The following CHODL variants were observed in gnomAD, a reference collection of about 807,000 sequenced individuals.
CHODL encodes the protein transmembrane protein MT75.
A neutral mutation model predicts 34.5 loss-of-function variants in CHODL; 29 were observed. The ratio of observed to expected loss-of-function variants is 0.84; its 90% CI spans 0.63 to 1.15. The LOEUF (loss-of-function observed/expected upper bound fraction) is 1.15, where lower values mean the gene tolerates loss of function less well. Among genes scored for constraint, CHODL ranks in the 50% most tolerant of loss-of-function variants. CHODL has a pLI of 0.00. For missense variants in CHODL, 332 were observed against 332.5 expected (o/e 1.00, Z 0.01); for synonymous variants, 125 against 116.1 (o/e 1.08, Z -0.49).
At chr21:18,135,718 A>G (rs1429366492) in intron 2 of CHODL, among the ~76,000 whole-genome samples, 1 of 152,218 alleles carries the variant, frequency 6.6e-6, no homozygotes, top group Non-Finnish European at 1.5e-5. Context: ...TTGAAACCAA[A>G]TATGACTCTT....
chr21:18,223,599 G>A (rs535643242), intron 2 of CHODL, among the ~76,000 whole-genome samples: 27 of 152,252 alleles, frequency 1.8e-4, no homozygotes, highest in Middle Eastern at 6.8e-3. Context: ...AGCTTAAACT[G>A]CAGTTAGGAC....
At chr21:18,016,041 C>A (rs1356396381) in intron 1 of CHODL, among the ~76,000 whole-genome samples, 1 of 152,210 alleles carries the variant, frequency 6.6e-6, no homozygotes, top group Non-Finnish European at 1.5e-5. Flanking sequence ...AAAAACCCAT[C>A]TTTCTGGGGA....
intron 1 of CHODL, among the ~76,000 whole-genome samples, chr21:17,982,690 T>C (rs2063723159): frequency 6.9e-6 from 1 of 143,908 alleles, no homozygotes; most frequent in Admixed American, 7.3e-5. Flanking sequence ...TCCCCTTATA[T>C]ATATTCTTTT....
intron 1 of CHODL, among the ~76,000 whole-genome samples, chr21:18,013,509 A>T (rs983322912): frequency 3.9e-5 from 6 of 151,966 alleles, no homozygotes; most frequent in African/African-American, 1.5e-4. Flanking sequence ...GCCTACTTTG[A>T]TGAAATTTTT....
At chr21:18,077,058 T>A (rs1221488426) in intron 2 of CHODL, among the ~76,000 whole-genome samples, 2 of 152,200 alleles carry the variant, frequency 1.3e-5, no homozygotes, top group Non-Finnish European at 2.9e-5. Context: ...AATGTGAGAC[T>A]CCTGGCTCAG....
chr21:18,185,127 A>C (rs1192765325), intron 2 of CHODL, among the ~76,000 whole-genome samples: 1 of 152,048 alleles, frequency 6.6e-6, no homozygotes, highest in Non-Finnish European at 1.5e-5. Flanking sequence ...GCACCCATCA[A>C]CCTGTCATCT....
At chr21:17,917,753 GAC>G (rs1271139501) in intron 1 of CHODL, among the ~76,000 whole-genome samples, 1 of 152,156 alleles carries the variant, frequency 6.6e-6, no homozygotes, top group Non-Finnish European at 1.5e-5. Flanking sequence ...TATCTGCTGG[GAC>G]ACAGAGAAGA....
intron 2 of CHODL, among the ~76,000 whole-genome samples, chr21:18,177,922 C>G (rs894784748): frequency 6.6e-5 from 10 of 152,072 alleles, no homozygotes; most frequent in Non-Finnish European, 1.5e-4. Flanking sequence ...TTTGAGAAAG[C>G]TATTTACTTG....
chr21:17,927,007 G>C (rs978572757), intron 1 of CHODL, among the ~76,000 whole-genome samples: 2 of 143,988 alleles, frequency 1.4e-5, no homozygotes, highest in African/African-American at 5.8e-5. Flanking sequence ...CACACACACA[G>C]ACATACACAC....
intron 2 of CHODL, among the ~76,000 whole-genome samples, chr21:18,046,946 A>G (rs1170268926): frequency 6.6e-6 from 1 of 151,952 alleles, no homozygotes; most frequent in African/African-American, 2.4e-5. Flanking sequence ...TGCTATTTCT[A>G]CACCAATCCA....
intron 1 of CHODL, among the ~76,000 whole-genome samples, chr21:17,953,565 G>T (rs188612233): frequency 1.3e-5 from 2 of 152,230 alleles, no homozygotes; most frequent in East Asian, 3.9e-4. Flanking sequence ...AGTACAAAAT[G>T]TAAGAAATAC....
At chr21:18,033,010 A>G (rs2064265797) in intron 2 of CHODL, among the ~76,000 whole-genome samples, 1 of 152,076 alleles carries the variant, frequency 6.6e-6, no homozygotes, top group Non-Finnish European at 1.5e-5. Context: ...GAGAGTAAGT[A>G]TAAACAAGCA....
At chr21:18,031,622 A>G (rs2146440451) in intron 2 of CHODL, among the ~76,000 whole-genome samples, 1 of 152,194 alleles carries the variant, frequency 6.6e-6, no homozygotes, top group East Asian at 1.9e-4. Context: ...ATACTATTAA[A>G]TGCTACAGGT....
intron 2 of CHODL, among the ~76,000 whole-genome samples, chr21:18,222,216 T>G (rs1407513813): frequency 6.6e-6 from 1 of 152,094 alleles, no homozygotes; most frequent in Non-Finnish European, 1.5e-5. Flanking sequence ...GCCTCCCTGA[T>G]GTGCTGGACT....
intron 1 of CHODL, among the ~76,000 whole-genome samples, chr21:17,995,676 T>G (rs1364142263): frequency 1.3e-5 from 2 of 152,230 alleles, no homozygotes; most frequent in East Asian, 3.9e-4. Flanking sequence ...GGTTCCTGCC[T>G]TTGCTGTCAC....
At position 18,256,617 on chromosome 21, in the gene CHODL, G is replaced by A. The variant is rs532714129; in HGVS notation, c.188G>A (p.Ser63Asn). Residue 63 changes from serine (S) to asparagine (N), a missense_variant, in exon 2 of 6, where the codon AGT (serine) becomes AAT (asparagine). Physicochemically the swap from Ser to Asn is conservative, Grantham distance 46. Coordinates refer to ENST00000299295, the MANE Select transcript of CHODL (RefSeq NM_024944.3). The stretch of plus-strand genomic sequence containing the variant: ...CAGGAGGCACGCCTGGCTTGTGAGA[G>A]TGAGGGAGGAGTCCTCCTCAGCCTT... ...SFQEARLACE[S>N]EGGVLLSLEN... is the part of the protein sequence containing the mutation. The A allele has an allele frequency of 5.6e-6, 9 of 1,614,070 alleles. No individual in the cohort carries two copies. Among genetic ancestry groups the A allele is most frequent in the Admixed American group, 3.3e-5 (2 of 59,994 alleles).
intron 1 of CHODL, among the ~76,000 whole-genome samples, chr21:18,010,601 G>T (rs1164763405): frequency 2.6e-5 from 4 of 152,062 alleles, no homozygotes; most frequent in Non-Finnish European, 5.9e-5. Context: ...CACAAGTGTG[G>T]TTTGCTTGTG....
chr21:18,266,025 G>T lies in CHODL; in HGVS notation c.809G>T (p.Gly270Val), dbSNP rs1455260229. 3 of 1,613,418 alleles carry T rather than the reference G, an allele frequency of 1.9e-6. No homozygotes were observed. The highest frequency in any genetic ancestry group is 2.5e-6 in the Non-Finnish European group (3 of 1,179,616). Reference protein sequence around the residue: ...WISKSTRKESGMEV With the variant: ...WISKSTRKESVMEV ...TCAAAGAGTACCAGAAAAGAAAGTG[G>T]CATGGAAGTATAATAACTCATTGAC... The change falls in exon 6 of 6, where the codon GGC becomes GTC. Residue 270 changes from glycine (G) to valine (V), a missense_variant. Transcript: ENST00000299295.
At chr21:18,147,847 C>A (rs1182266686) in intron 2 of CHODL, among the ~76,000 whole-genome samples, 1 of 152,192 alleles carries the variant, frequency 6.6e-6, no homozygotes, top group Non-Finnish European at 1.5e-5. Context: ...ATGAACACAT[C>A]GTCAGGGAAG....
Sources: allele counts gnomAD v4.1 joint callset (sites outside exome capture counted in the v4.1 genomes callset), GRCh38; gene constraint gnomAD v4.1.1; transcripts MANE v1.5; gene names NCBI Gene and HGNC (gene_info 2026-07-23, HGNC 2026-07-21).